Variants in NUP214 observed in about 807,000 individuals in gnomAD.
NUP214 encodes the protein nucleoporin 214, also known as nuclear pore complex protein Nup214.
In NUP214, 79 loss-of-function variants were observed where a neutral mutation model predicts 196.2. The observed-to-expected ratio is 0.40, with a 90% CI of 0.34 to 0.49. The LOEUF is 0.49. Ranked by LOEUF, NUP214 falls within the 20% of genes least tolerant of loss-of-function variation. The pLI, the probability that NUP214 is intolerant of heterozygous loss-of-function variation, is 0.58. For synonymous variants in NUP214, 1,020 were observed against 990.5 expected, an observed-to-expected ratio of 1.03 and a Z score of -0.56; for missense variants, 2,468 against 2,539.0, an observed-to-expected ratio of 0.97 and a Z score of 0.60.
Position 131,130,781 on chromosome 9 carries a change from A to T in NUP214, c.608A>T (p.Lys203Ile). ...CTTTGCTCAGTGTGCTGGAGCCCCA[A>T]AGGAAAGCAGCTGGCAGTGGGAAAA... ...VAVTSVCWSP[K>I]GKQLAVGKQN... The change falls in exon 5 of 36, where the codon AAA becomes ATA. Residue 203 changes from lysine (K) to isoleucine (I), a missense_variant. This residue lies in a region of NUP214 where 392 missense variants were observed against 417.9 expected (regional missense o/e 0.94). Coordinates refer to ENST00000359428, the MANE Select transcript of NUP214 (RefSeq NM_005085.4). 1 of 1,614,112 alleles carries T rather than the reference A, an allele frequency of 6.2e-7. No homozygotes were observed. Among genetic ancestry groups the T allele is most frequent in the South Asian group, 1.1e-5 (1 of 91,072 alleles).
At chr9:131,180,586 G>A (rs958295382) in intron 24 of NUP214, among the ~76,000 whole-genome samples, 5 of 152,146 alleles carry the variant, frequency 3.3e-5, no homozygotes, top group Admixed American at 6.5e-5. Context: ...TGCCATTGGT[G>A]TACTTTATGT....
chr9:131,166,670 C>T lies in NUP214; in HGVS notation c.2893+2526C>T, dbSNP rs186715403. On this transcript the variant is annotated intron_variant, in intron 21 of 35. Transcript: ENST00000359428. ...CCCAGGTCAAGAAACAGAATATTGC[C>T]GTTTTTTAGAAGCCCTCTTGCATAC... 4.2e-3 allele frequency among the ~76,000 whole-genome samples: 639 copies of T among 152,232 alleles called. 2 individuals are homozygous for T. The highest frequency in any genetic ancestry group is 0.01 in the Middle Eastern group (3 of 294).
chr9:131,202,108 C>T (rs959812049), intron 30 of NUP214, among the ~76,000 whole-genome samples: 3 of 152,110 alleles, frequency 2.0e-5, no homozygotes, highest in Admixed American at 6.6e-5. Context: ...GGATTGTAGG[C>T]ATGCACCATA....
chr9:131,149,207 G>A (rs1356197267), intron 14 of NUP214, among the ~76,000 whole-genome samples: 1 of 152,000 alleles, frequency 6.6e-6, no homozygotes, highest in Admixed American at 6.6e-5. Flanking sequence ...CACAGTTCAC[G>A]GTGTGGCATG....
intron 18 of NUP214, among the ~76,000 whole-genome samples, chr9:131,159,845 G>A (rs1390865207): frequency 5.4e-5 from 8 of 146,854 alleles, no homozygotes; most frequent in Admixed American, 2.0e-4. Flanking sequence ...CAACAAGAGC[G>A]AAATTCCCAT....
In NUP214 at chr9:131,222,897, C is replaced by G; in HGVS notation, c.5869C>G (p.Gln1957Glu). Residue 1957 changes from glutamine (Q) to glutamate (E), a missense_variant, in exon 32 of 36, where the codon CAA becomes GAA. Coordinates refer to ENST00000359428, the MANE Select transcript of NUP214 (RefSeq NM_005085.4). Reference protein sequence around the residue: ...FSSGGGSVASQGFGFSSPNKT... With the variant: ...FSSGGGSVASEGFGFSSPNKT... Reference sequence around the variant, plus strand: ...CTCTGGAGGAGGAAGTGTGGCATCCCAAGGCTTTGGGTTTTCCTCTCCAAA... The same window carrying G: ...CTCTGGAGGAGGAAGTGTGGCATCCGAAGGCTTTGGGTTTTCCTCTCCAAA... 3.1e-6 allele frequency: 5 copies of G among 1,614,160 alleles called. No homozygotes were observed. The highest frequency in any genetic ancestry group is 4.2e-6 in the Non-Finnish European group (5 of 1,180,028).
chr9:131,163,748 C>A (rs921961118), intron 19 of NUP214, 122 bp from the exon 20 acceptor site: 3 of 714,616 alleles, frequency 4.2e-6, no homozygotes, highest in Non-Finnish European at 7.4e-6. Context: ...GGTCAGATGG[C>A]ATGTTTATAT....
intron 2 of NUP214, 57 bp downstream of exon 2, chr9:131,127,776 G>A (rs1356597954): frequency 7.8e-7 from 1 of 1,289,360 alleles, no homozygotes; most frequent in East Asian, 2.3e-5. Flanking sequence ...GCATGCTCTT[G>A]TGTTTCCTTC....
At chr9:131,147,629 T>C (rs1832122481) in intron 14 of NUP214, 45 bp downstream of exon 14, 2 of 1,338,542 alleles carry the variant, frequency 1.5e-6, no homozygotes, top group Non-Finnish European at 2.1e-6. Flanking sequence ...ATTAATTTAC[T>C]GCCCCAAGCA....
intron 17 of NUP214, among the ~76,000 whole-genome samples, chr9:131,157,460 T>TG (rs1832488898): frequency 1.7e-5 from 1 of 58,426 alleles, no homozygotes; most frequent in Admixed American, 1.4e-4. Flanking sequence ...GTGTCTGGCG[T>TG]TTTTTTTTTT....
chr9:131,230,763 A>C lies in NUP214; in HGVS notation c.6208A>C (p.Thr2070Pro), dbSNP rs1834852757. The C allele has an allele frequency of 6.2e-7, 1 of 1,613,114 alleles. No homozygotes were observed. The highest frequency in any genetic ancestry group is 8.5e-7 in the Non-Finnish European group (1 of 1,179,830). The change falls in exon 34 of 36, where the codon ACA becomes CCA. Residue 2070 changes from threonine (T) to proline (P), a missense_variant. By Grantham distance (38) the Thr-to-Pro change is conservative. Around this residue, in one of 5 missense-constraint regions of NUP214, gnomAD observed 262 missense variants for 296.5 expected, o/e 0.88. Transcript: ENST00000359428. ...SSGFSGFGSG[T>P]GGFSFGSNNS... ...CGGATTCTCTGGTTTTGGATCAGGC[A>C]CAGGAGGTAAGCTGCCACAAGTTCT...
Position 131,128,363 on chromosome 9 carries a change from G to C in NUP214, c.273G>C (p.Met91Ile), listed in dbSNP as rs548669351. Residue 91 changes from methionine to isoleucine, a missense_variant, in exon 3 of 36, where the codon ATG becomes ATC. By Grantham distance (10) the Met-to-Ile change is conservative. Transcript: ENST00000359428. ...AAGTCCAAGGCTTGCTAGTTCCTAT[G>C]AAATTCCCAATCCATCACCTGGCCT... ...VDKVQGLLVP[M>I]KFPIHHLALS... 6.2e-7 allele frequency: 1 copy of C among 1,612,858 alleles called. No individual in the cohort carries two copies. The highest frequency in any genetic ancestry group is 1.7e-5 in the Admixed American group (1 of 59,840).
At chr9:131,182,852 G>T (rs2131015236) in intron 24 of NUP214, among the ~76,000 whole-genome samples, 1 of 151,616 alleles carries the variant, frequency 6.6e-6, no homozygotes, top group East Asian at 1.9e-4. Flanking sequence ...TAACTTTTTT[G>T]TTGACTTATT....
chr9:131,198,776 C>T lies in NUP214; in HGVS notation c.5282C>T (p.Ser1761Phe), dbSNP rs1833866816. Reference protein sequence around the residue: ...SSVPAFGQPASSTPTSTSGSV... With the variant: ...SSVPAFGQPAFSTPTSTSGSV... ...GTGCCTGCCTTCGGTCAGCCTGCTT[C>T]CTCCACTCCCACATCCACCAGTGGA... The change falls in exon 29 of 36, where the codon TCC becomes TTC. Residue 1761 changes from serine to phenylalanine, a missense_variant. Transcript: ENST00000359428. 1.2e-6 allele frequency: 2 copies of T among 1,614,238 alleles called. No individual in the cohort carries two copies. The highest frequency in any genetic ancestry group is 4.5e-5 in the East Asian group (2 of 44,892).
rs542840446 is a variant in NUP214 at position 131,198,878 on chromosome 9, G to T, written c.5384G>T (p.Gly1795Val). ...GGACAGTCTTCTCCCAACACAGGAG[G>T]GGGGCTGTTTGGCCAAAGCAACGCT... ...SFGQSSPNTG[G>V]GLFGQSNAPA... The change falls in exon 29 of 36, where the codon GGG becomes GTG. Residue 1795 changes from glycine (G) to valine (V), a missense_variant. Physicochemically the swap from Gly to Val is moderately radical, Grantham distance 109 (BLOSUM62 -3). Around this residue, in one of 5 missense-constraint regions of NUP214, gnomAD observed 1,801 missense variants for 1,779.4 expected, o/e 1.01. Coordinates refer to ENST00000359428, the MANE Select transcript of NUP214 (RefSeq NM_005085.4). 1.1e-5 allele frequency: 18 copies of T among 1,614,196 alleles called. No individual in the cohort carries two copies. In the East Asian group the frequency reaches 1.6e-4, roughly 14 times the overall value.
At chr9:131,199,079 C>T in intron 29 of NUP214, 64 bp downstream of exon 29, 9 of 1,507,186 alleles carry the variant, frequency 6.0e-6, no homozygotes, top group Non-Finnish European at 8.0e-6. Context: ...TAGCAACAGA[C>T]CCCTATTACT....
At position 131,146,657 on chromosome 9, in the gene NUP214, C is replaced by T. The variant is rs973650413; in HGVS notation, c.1945+353C>T. ...GGCACAAGAGTTGTTTGGCGGGGTGCGGTGGCTCACGCCTATAAACCCAGC... is the reference window on the plus strand; with the variant it reads ...GGCACAAGAGTTGTTTGGCGGGGTGTGGTGGCTCACGCCTATAAACCCAGC... On this transcript the variant is annotated intron_variant, in intron 13 of 35. Transcript: ENST00000359428. This position sits in a 1 kb window ranked among gnomAD's most constrained non-coding sequence, Gnocchi z 4.6. Among the ~76,000 whole-genome samples, 14 of 152,116 alleles carry T rather than the reference C, an allele frequency of 9.2e-5. No homozygotes were observed. The highest frequency in any genetic ancestry group is 5.9e-5 in the Non-Finnish European group (4 of 68,010).
At chr9:131,174,512 G>A (rs775759207) in intron 22 of NUP214, among the ~76,000 whole-genome samples, 194 bp downstream of exon 22, 3 of 135,722 alleles carry the variant, frequency 2.2e-5, no homozygotes, top group African/African-American at 5.5e-5. Flanking sequence ...GTAATGGCGC[G>A]ATCTAGGCTC....
rs1554737949 is a variant in NUP214, at chr9:131,196,025, T to TCCCTCTC, written c.3721+734_3721+735insTCTCCCC. Among the ~76,000 whole-genome samples, 5 of 3,668 alleles carry TCCCTCTC rather than the reference T, an allele frequency of 1.4e-3. 2 individuals carry two copies. Among genetic ancestry groups the TCCCTCTC allele is most frequent in the Non-Finnish European group, 1.9e-3 (3 of 1,588 alleles). 2.4% of individuals were successfully genotyped at this position (3,668 alleles called of 152,430 possible). ...GGCAACAAGAGTGAAACTCTGTGTG[T>TCCCTCTC]CCCCCCCCCCCCCCGCGCCAAAAAA... is the stretch of plus-strand genomic sequence containing the variant. On this transcript the variant is annotated intron_variant, in intron 28 of 35. Coordinates refer to ENST00000359428, the MANE Select transcript of NUP214 (RefSeq NM_005085.4).
Sources: gnomAD v4.1 joint callset for allele counts (sites outside exome capture counted in the v4.1 genomes callset) on GRCh38, gnomAD v4.1.1 for gene constraint, gnomAD v4.1.1 regional missense constraint, Gnocchi (gnomAD v3.1) non-coding constraint, MANE v1.5 for transcripts, NCBI Gene and HGNC (gene_info 2026-07-23, HGNC 2026-07-21) for gene names.